The following TMEM123 variants were observed in gnomAD, a reference collection of about 807,000 sequenced individuals.
TMEM123 encodes the protein transmembrane protein 123.
Under a neutral mutation model 19.7 loss-of-function variants are expected in TMEM123, and 16 were observed. The ratio of observed to expected loss-of-function variants is 0.81; its 90% CI spans 0.55 to 1.23. TMEM123 has a LOEUF of 1.23. Among genes scored for constraint, TMEM123 ranks in the 50% most tolerant of loss-of-function variants. The pLI, the probability that TMEM123 is intolerant of heterozygous loss-of-function variation, is 0.00. For synonymous variants in TMEM123, 118 were observed against 99.4 expected, an observed-to-expected ratio of 1.19 and a Z score of -1.12; for missense variants, 313 against 257.8, an observed-to-expected ratio of 1.21 and a Z score of -1.47.
At chr11:102,411,709 G>T (rs1214834405) in intron 2 of TMEM123, among the ~76,000 whole-genome samples, 1 of 151,780 alleles carries the variant, frequency 6.6e-6, no homozygotes, top group Non-Finnish European at 1.5e-5. Flanking sequence ...CACATCTGGT[G>T]TCGGAAGTGC....
At chr11:102,451,072 C>A (rs1245973088) in intron 1 of TMEM123, 1 of 152,122 alleles carries the variant, frequency 6.6e-6, no homozygotes, top group Non-Finnish European at 1.5e-5. Flanking sequence ...TACTGTAGAG[C>A]ATTTCAAGTT....
chr11:102,427,477 CT>C (rs1308649366), intron 2 of TMEM123, among the ~76,000 whole-genome samples: 4 of 139,214 alleles, frequency 2.9e-5, no homozygotes, highest in Non-Finnish European at 6.1e-5. Flanking sequence ...GAGACAGAGT[CT>C]CACTCTGTCG....
In TMEM123 at chr11:102,440,403, C is replaced by G. The variant is rs915565981; in HGVS notation, c.157+8409G>C. Among the ~76,000 whole-genome samples, 7 of 152,178 alleles carry G rather than the reference C, an allele frequency of 4.6e-5. No homozygotes were observed. The South Asian group carries it at 6.2e-4, about 13-fold the overall frequency. ...AAGTAGGGGGCCAATATTCAACATT[C>G]TTAAAGAAAAGAATTTTCAACCCAG... On this transcript the variant is annotated intron_variant, in intron 2 of 4. Transcript: ENST00000398136.
chr11:102,448,987 C>G, intron 1 of TMEM123, 119 bp from the exon 2 acceptor site: 1 of 977,656 alleles, frequency 1.0e-6, no homozygotes, highest in Non-Finnish European at 1.6e-6. Context: ...GATTATTCCA[C>G]AGGAAGTTCT....
chr11:102,448,380 T>C (rs1857905466), intron 2 of TMEM123: 1 of 432,724 alleles, frequency 2.3e-6, no homozygotes, highest in Non-Finnish European at 4.6e-6. Context: ...GTCTGCCTAA[T>C]GGGTGAAATG....
intron 2 of TMEM123, among the ~76,000 whole-genome samples, chr11:102,404,150 G>T (rs1340521707): frequency 6.6e-6 from 1 of 151,960 alleles, no homozygotes; most frequent in East Asian, 1.9e-4. Flanking sequence ...CTTTCCCCCA[G>T]TGAGAGCAGT....
intron 2 of TMEM123, among the ~76,000 whole-genome samples, chr11:102,405,205 C>CGT (rs1339098349): frequency 6.6e-6 from 1 of 151,616 alleles, no homozygotes; most frequent in Non-Finnish European, 1.5e-5. Flanking sequence ...CCCACCACCA[C>CGT]GCCTGGCTAA....
intron 2 of TMEM123, chr11:102,448,175 T>A (rs1857903039): frequency 4.4e-6 from 2 of 453,124 alleles, no homozygotes; most frequent in African/African-American, 4.0e-5. Context: ...TCCAACTCAG[T>A]CAACTGTGAA....
At chr11:102,403,985 C>G (rs1423337372) in intron 2 of TMEM123, among the ~76,000 whole-genome samples, 1 of 152,182 alleles carries the variant, frequency 6.6e-6, no homozygotes, top group East Asian at 1.9e-4. Context: ...CCTGCAGAAC[C>G]TTGAGCTAAA....
At chr11:102,450,007 G>GT (rs1377740827) in intron 1 of TMEM123, among the ~76,000 whole-genome samples, 1 of 152,072 alleles carries the variant, frequency 6.6e-6, no homozygotes, top group Non-Finnish European at 1.5e-5. Context: ...CTTCCCAATT[G>GT]TTGCATTACC....
chr11:102,431,140 A>C (rs985661640), intron 2 of TMEM123, among the ~76,000 whole-genome samples: 3 of 152,222 alleles, frequency 2.0e-5, no homozygotes, highest in African/African-American at 7.2e-5. Flanking sequence ...GGATTAAAAA[A>C]GAAAAACTAA....
At chr11:102,441,396 A>G (rs929333072) in intron 2 of TMEM123, among the ~76,000 whole-genome samples, 2 of 152,204 alleles carry the variant, frequency 1.3e-5, no homozygotes, top group African/African-American at 4.8e-5. Context: ...AACTCACTCA[A>G]AACCGCTCAA....
At chr11:102,446,079 G>A (rs889192030) in intron 2 of TMEM123, among the ~76,000 whole-genome samples, 1 of 152,172 alleles carries the variant, frequency 6.6e-6, no homozygotes, top group Non-Finnish European at 1.5e-5. Flanking sequence ...CAAGGAGACG[G>A]CTGTATCCTG....
intron 2 of TMEM123, among the ~76,000 whole-genome samples, chr11:102,424,175 T>TATAA (rs1952107389): frequency 6.6e-6 from 1 of 152,126 alleles, no homozygotes; most frequent in South Asian, 2.1e-4. Context: ...CAAAAGCTAA[T>TATAA]ATAAGCCATC....
At chr11:102,409,782 T>C (rs1951987549) in intron 2 of TMEM123, among the ~76,000 whole-genome samples, 1 of 151,998 alleles carries the variant, frequency 6.6e-6, no homozygotes, top group Admixed American at 6.6e-5. Context: ...GGAGAATTGC[T>C]TGAACCTGGG....
At chr11:102,424,680 C>A (rs927799157) in intron 2 of TMEM123, among the ~76,000 whole-genome samples, 2 of 151,450 alleles carry the variant, frequency 1.3e-5, no homozygotes, top group African/African-American at 4.9e-5. Flanking sequence ...CAGAGCAAGA[C>A]CTTGTCTCAA....
At chr11:102,416,865 T>C (rs1217856492) in intron 2 of TMEM123, among the ~76,000 whole-genome samples, 1 of 152,150 alleles carries the variant, frequency 6.6e-6, no homozygotes, top group Non-Finnish European at 1.5e-5. Flanking sequence ...ATAAACGTGA[T>C]TTATCACATA....
At chr11:102,401,780 G>C in intron 3 of TMEM123, 88 bp from the exon 4 acceptor site, 1 of 1,494,050 alleles carries the variant, frequency 6.7e-7, no homozygotes, top group Non-Finnish European at 8.9e-7. Context: ...TCTGTGTTAA[G>C]AACATTTAAT....
Position 102,426,866 on chromosome 11 carries a change from C to G in TMEM123, c.157+21946G>C. Among the ~76,000 whole-genome samples the G allele has an allele frequency of 2.9e-5, 2 of 69,970 alleles. 1 individual carries two copies. The highest frequency in any genetic ancestry group is 5.9e-5 in the Non-Finnish European group (2 of 34,038). 45.9% of individuals were successfully genotyped at this position (69,970 alleles called of 152,430 possible). ...TAATGTTTTTAAAGTAGTTCCCCCC[C>G]CCCCCCCATTTATTGCTCAAAATCC... is the stretch of plus-strand genomic sequence containing the variant. On this transcript the variant is annotated intron_variant, in intron 2 of 4. Transcript: ENST00000398136.
Sources: gnomAD v4.1 joint callset for allele counts (sites outside exome capture counted in the v4.1 genomes callset) on GRCh38, gnomAD v4.1.1 for gene constraint, MANE v1.5 for transcripts, NCBI Gene and HGNC (gene_info 2026-07-23, HGNC 2026-07-21) for gene names.